Variants in BLCAP observed in about 807,000 individuals in gnomAD.
BLCAP encodes apoptosis inducing factor BLCAP.
In BLCAP, 1 loss-of-function variant was observed where a neutral mutation model predicts 5.7. That is an observed-to-expected ratio of 0.18 (90% CI 0.06 to 0.83). The LOEUF (loss-of-function observed/expected upper bound fraction) is 0.83. BLCAP is among the 40% of genes least tolerant of loss of function. The pLI is 0.71. For missense variants in BLCAP, 66 were observed against 107.6 expected (o/e 0.61, Z 1.71); for synonymous variants, 48 against 49.4 (o/e 0.97, Z 0.11).
intron 1 of BLCAP, chr20:37,524,244 C>T (rs1006124643): frequency 6.6e-6 from 1 of 152,360 alleles, no homozygotes; most frequent in Non-Finnish European, 1.5e-5. Flanking sequence ...ACCAGGACCA[C>T]TACAAAGACA....
At chr20:37,522,851 G>A (rs2147191958) in intron 1 of BLCAP, 3 of 1,207,516 alleles carry the variant, frequency 2.5e-6, no homozygotes, top group East Asian at 5.2e-5. Flanking sequence ...GGAATGTGGG[G>A]TCCCCTGTGT....
chr20:37,526,137 T>G (rs1412277000), intron 1 of BLCAP, among the ~76,000 whole-genome samples: 1 of 152,126 alleles, frequency 6.6e-6, no homozygotes, highest in African/African-American at 2.4e-5. Context: ...GCAAGTTCCT[T>G]GAGCTTGGGC....
intron 1 of BLCAP, chr20:37,522,564 T>TGGGCGGGCGGGGCAGGGGGTG: frequency 5.4e-6 from 3 of 554,378 alleles, no homozygotes; most frequent in South Asian, 4.8e-5. Flanking sequence ...CTACGCTGGA[T>TGGGCGGGCGGGGCAGGGGGTG]GGGCGGGCGG....
Position 37,521,240 on chromosome 20 carries a change from C to T in BLCAP, c.-176-1890G>A. 2.2e-6 allele frequency: 3 copies of T among 1,360,466 alleles called. No homozygotes were observed. The highest frequency in any genetic ancestry group is 1.7e-5 in the Admixed American group (1 of 58,968). The allele number at this position is 1,360,466 out of a possible 1,614,324, so 84.3% of individuals were successfully genotyped here. A position where few individuals can be genotyped will look rare whatever the true frequency, so the allele number is the denominator to read the frequency against. On this transcript the variant is annotated intron_variant, in intron 1 of 1. Coordinates refer to ENST00000373537, the MANE Select transcript of BLCAP (RefSeq NM_006698.4). The surrounding 1 kb of genome is among the most constrained non-coding windows in gnomAD (Gnocchi z 4.5). Reference sequence around the variant, plus strand: ...GCGGGTACTTAAGGCGCGGCCACCGCGGCTGCGGCAGTGCGCCCAACAGCG... The same window carrying T: ...GCGGGTACTTAAGGCGCGGCCACCGTGGCTGCGGCAGTGCGCCCAACAGCG...
At chr20:37,524,786 G>GT (rs1355697776) in intron 1 of BLCAP, among the ~76,000 whole-genome samples, 1 of 152,090 alleles carries the variant, frequency 6.6e-6, no homozygotes, top group Non-Finnish European at 1.5e-5. Context: ...ACTTCATTCG[G>GT]TATCAGAGAA....
At position 37,518,620 on chromosome 20, in the gene BLCAP, G is replaced by C. The variant is rs1005631027; in HGVS notation, c.*291C>G. On this transcript the variant is annotated 3_prime_UTR_variant, in exon 2 of 2. Coordinates refer to ENST00000373537, the MANE Select transcript of BLCAP (RefSeq NM_006698.4). ...GGGGCAGCTGACCAGGATGGACCCAGACTCCTCACAGTAATGAGGCGAGAG... is the reference window on the plus strand; with the variant it reads ...GGGGCAGCTGACCAGGATGGACCCACACTCCTCACAGTAATGAGGCGAGAG... The C allele has an allele frequency of 2.5e-6, 1 of 401,868 alleles. No individual in the cohort carries two copies. Among genetic ancestry groups the C allele is most frequent in the African/African-American group, 2.0e-5 (1 of 49,240 alleles). The allele number at this position is 401,868 out of a possible 1,614,324, so 24.9% of individuals were successfully genotyped here. A position where few individuals can be genotyped will look rare whatever the true frequency, so the allele number is the denominator to read the frequency against.
In BLCAP at chr20:37,521,068, G is replaced by A; in HGVS notation, c.-176-1718C>T. 1 of 532,020 alleles carries A rather than the reference G, an allele frequency of 1.9e-6. No individual in the cohort carries two copies. The allele number at this position is 532,020 out of a possible 1,614,324, so 33.0% of individuals were successfully genotyped here. Reference sequence around the variant, plus strand: ...GCAAGCACGGCGGAATCTTCTGGAAGGGGGCTAAGATGGAACTCAGGAGGC... The same window carrying A: ...GCAAGCACGGCGGAATCTTCTGGAAAGGGGCTAAGATGGAACTCAGGAGGC... On this transcript the variant is annotated intron_variant, in intron 1 of 1. Transcript: ENST00000373537. The surrounding 1 kb of genome is among the most constrained non-coding windows in gnomAD (Gnocchi z 4.5).
At chr20:37,526,389 A>G (rs2071722573) in intron 1 of BLCAP, among the ~76,000 whole-genome samples, 1 of 147,578 alleles carries the variant, frequency 6.8e-6, no homozygotes, top group African/African-American at 2.5e-5. Flanking sequence ...GACTTCCTCT[A>G]TATGCCCCAG....
intron 1 of BLCAP, among the ~76,000 whole-genome samples, chr20:37,525,933 C>T (rs1404454402): frequency 6.6e-6 from 1 of 152,182 alleles, no homozygotes; most frequent in Non-Finnish European, 1.5e-5. Flanking sequence ...ACTCCAGCAA[C>T]AGGTGAGAGA....
chr20:37,521,388 CCG>C lies in BLCAP; in HGVS notation c.-176-2040_-176-2039del. Reference sequence around the variant, plus strand: ...TGCTCATCATCGGCTGGTACATCTTCCGCGTGCTGCTGCAGGTAAGTCTGACG... The same window carrying C: ...TGCTCATCATCGGCTGGTACATCTTCCGTGCTGCTGCAGGTAAGTCTGACG... On this transcript the variant is annotated intron_variant, in intron 1 of 1. Coordinates refer to ENST00000373537, the MANE Select transcript of BLCAP (RefSeq NM_006698.4). This position sits in a 1 kb window ranked among gnomAD's most constrained non-coding sequence, Gnocchi z 4.5. The C allele has an allele frequency of 6.2e-7, 1 of 1,614,134 alleles. No individual in the cohort carries two copies. The highest frequency in any genetic ancestry group is 8.5e-7 in the Non-Finnish European group (1 of 1,179,982).
chr20:37,527,341 AC>A (rs1744994164), intron 1 of BLCAP, among the ~76,000 whole-genome samples: 1 of 80,568 alleles, frequency 1.2e-5, no homozygotes, highest in African/African-American at 4.7e-5. Flanking sequence ...CTCTCCCCTC[AC>A]CCCCACGTCC....
intron 1 of BLCAP, among the ~76,000 whole-genome samples, chr20:37,524,938 A>C (rs1438377565): frequency 6.6e-6 from 1 of 152,138 alleles, no homozygotes; most frequent in Middle Eastern, 3.2e-3. Context: ...AGTGAACCCT[A>C]ACACGCTAGA....
chr20:37,519,561 G>A (rs2071500335), intron 1 of BLCAP, among the ~76,000 whole-genome samples: 1 of 152,154 alleles, frequency 6.6e-6, no homozygotes, highest in Non-Finnish European at 1.5e-5. Context: ...CACTAATTCG[G>A]GAAGCTTCCT....
Position 37,518,086 on chromosome 20 carries a change from C to A in BLCAP, c.*825G>T, listed in dbSNP as rs1455262245. 1 of 152,346 alleles carries A rather than the reference C, an allele frequency of 6.6e-6. No homozygotes were observed. Among genetic ancestry groups the A allele is most frequent in the Admixed American group, 6.5e-5 (1 of 15,278 alleles). 9.4% of individuals were successfully genotyped at this position (152,346 alleles called of 1,614,324 possible). A position where few individuals can be genotyped will look rare whatever the true frequency, so the allele number is the denominator to read the frequency against. ...CTCCCACTCACTCAGCTGGGGACTG[C>A]TAGAACTACGTGAACACACCATACT... is the stretch of plus-strand genomic sequence containing the variant. On this transcript the variant is annotated 3_prime_UTR_variant, in exon 2 of 2. Coordinates refer to ENST00000373537, the MANE Select transcript of BLCAP (RefSeq NM_006698.4).
At chr20:37,524,599 G>C (rs1411872784) in intron 1 of BLCAP, 1 of 152,242 alleles carries the variant, frequency 6.6e-6, no homozygotes, top group Non-Finnish European at 1.5e-5. Flanking sequence ...AAGGGAGGGA[G>C]TTGGAGGGCC....
chr20:37,522,598 G>GGGGCTCC, intron 1 of BLCAP: 1 of 864,476 alleles, frequency 1.2e-6, no homozygotes. Flanking sequence ...GCGGGGGTGG[G>GGGGCTCC]CACGGCAGCA....
intron 1 of BLCAP, among the ~76,000 whole-genome samples, chr20:37,522,002 T>TG (rs1322980183): frequency 6.7e-6 from 1 of 149,846 alleles, no homozygotes; most frequent in Non-Finnish European, 1.5e-5. Context: ...GAAAAGCACT[T>TG]GGCAGAAAAA....
At chr20:37,527,243 A>C (rs574772771) in intron 1 of BLCAP, among the ~76,000 whole-genome samples, 1 of 152,148 alleles carries the variant, frequency 6.6e-6, no homozygotes, top group Non-Finnish European at 1.5e-5. Flanking sequence ...CCTTGATGTA[A>C]AGTTGGAGGG....
In BLCAP at chr20:37,521,015, C is replaced by T. The variant is rs923624620; in HGVS notation, c.-176-1665G>A. ...CTGTACTCTACCCAGAGTCGTGGTA[C>T]CCCTCCATTTTAAAGCAAAATCCAA... On this transcript the variant is annotated intron_variant, in intron 1 of 1. Transcript: ENST00000373537. The surrounding 1 kb of genome is among the most constrained non-coding windows in gnomAD (Gnocchi z 4.5). Among the ~76,000 whole-genome samples, 5 of 152,120 alleles carry T rather than the reference C, an allele frequency of 3.3e-5. No homozygotes were observed. Among genetic ancestry groups the T allele is most frequent in the South Asian group, 2.1e-4 (1 of 4,822 alleles).
Sources: gnomAD v4.1 joint callset for allele counts (sites outside exome capture counted in the v4.1 genomes callset) on GRCh38, gnomAD v4.1.1 for gene constraint, Gnocchi (gnomAD v3.1) non-coding constraint, MANE v1.5 for transcripts, NCBI Gene and HGNC (gene_info 2026-07-23, HGNC 2026-07-21) for gene names.